The following RGS9 variants were observed in gnomAD, a reference collection of about 807,000 sequenced individuals.
RGS9 encodes regulator of G-protein signalling 9.
RGS9 carries 78 observed loss-of-function variants against 102.0 expected under a neutral mutation model. The ratio of observed to expected loss-of-function variants is 0.76; its 90% CI spans 0.64 to 0.92. RGS9 has a LOEUF of 0.92. Ranked by LOEUF, RGS9 falls within the 40% of genes least tolerant of loss-of-function variation. RGS9 has a pLI of 0.00. For missense variants in RGS9, 833 were observed against 866.1 expected (o/e 0.96, Z 0.48); for synonymous variants, 353 against 318.6 (o/e 1.11, Z -1.15).
chr17:65,182,564 G>T (rs1360431407), intron 9 of RGS9, among the ~76,000 whole-genome samples: 1 of 152,240 alleles, frequency 6.6e-6, no homozygotes, highest in Non-Finnish European at 1.5e-5. Flanking sequence ...TGTCCTTATT[G>T]TGGCTTTTAG....
chr17:65,139,374 C>T (rs1341542123), intron 1 of RGS9, among the ~76,000 whole-genome samples: 1 of 151,658 alleles, frequency 6.6e-6, no homozygotes, highest in East Asian at 2.0e-4. Context: ...CACTGGCTTC[C>T]CACATTCCCA....
chr17:65,207,879 C>CT (rs746212201), intron 15 of RGS9, 43 bp from the exon 16 acceptor site: 18 of 1,453,110 alleles, frequency 1.2e-5, no homozygotes, highest in South Asian at 4.6e-5. Context: ...GATTTGACTG[C>CT]TTTTTTCTCT....
At chr17:65,170,734 C>T (rs1403029160) in intron 8 of RGS9, among the ~76,000 whole-genome samples, 1 of 152,180 alleles carries the variant, frequency 6.6e-6, no homozygotes, top group African/African-American at 2.4e-5. Context: ...CTTTGATGGA[C>T]TCAGAGTGGT....
chr17:65,164,466 A>G (rs914783204), intron 7 of RGS9, among the ~76,000 whole-genome samples: 2 of 152,160 alleles, frequency 1.3e-5, no homozygotes, highest in African/African-American at 4.8e-5. Context: ...GATTACCAAA[A>G]CCGATGATCC....
chr17:65,168,081 G>A, intron 7 of RGS9, 119 bp from the exon 8 acceptor site: 1 of 692,480 alleles, frequency 1.4e-6, no homozygotes, highest in Non-Finnish European at 2.6e-6. Flanking sequence ...TACTATTACG[G>A]TATATGTGAA....
At chr17:65,141,057 G>A (rs1311985141) in intron 1 of RGS9, among the ~76,000 whole-genome samples, 1 of 152,220 alleles carries the variant, frequency 6.6e-6, no homozygotes, top group Admixed American at 6.5e-5. Context: ...AGGACCGTGT[G>A]CGATTCCCGA....
intron 17 of RGS9, among the ~76,000 whole-genome samples, chr17:65,214,515 T>G (rs1013939023): frequency 2.0e-5 from 3 of 152,142 alleles, no homozygotes; most frequent in Non-Finnish European, 4.4e-5. Context: ...GATAAGGTTT[T>G]TGGAGGAGGC....
At chr17:65,162,037 G>A (rs548167063) in intron 6 of RGS9, among the ~76,000 whole-genome samples, 129 of 152,198 alleles carry the variant, frequency 8.5e-4, no homozygotes, top group Non-Finnish European at 1.4e-3. Context: ...CAGAAAGGCC[G>A]GTTTATCTTT....
chr17:65,189,312 A>C lies in RGS9; in HGVS notation c.681A>C (p.Lys227Asn). The C allele has an allele frequency of 1.2e-6, 2 of 1,609,646 alleles. No individual in the cohort carries two copies. Among genetic ancestry groups the C allele is most frequent in the Non-Finnish European group, 1.7e-6 (2 of 1,176,006 alleles). Residue 227 changes from lysine (K) to asparagine (N), a missense_variant, in exon 10 of 19, where the codon AAA becomes AAC. By Grantham distance (94) the Lys-to-Asn change is moderately conservative. Coordinates refer to ENST00000262406, the MANE Select transcript of RGS9 (RefSeq NM_003835.4). ...NQKQTVVAVK[K>N]EIMYYQQALM... ...AACAAACAGTCGTTGCTGTCAAAAA[A>C]GAGGTAATTAGTCTTACACTTCCAG...
chr17:65,192,884 G>C (rs1043196586), intron 11 of RGS9, among the ~76,000 whole-genome samples: 1 of 152,030 alleles, frequency 6.6e-6, no homozygotes, highest in African/African-American at 2.4e-5. Flanking sequence ...TCTAAGATGG[G>C]TGCAGAGACA....
At chr17:65,217,200 A>G (rs1360044989) in intron 17 of RGS9, among the ~76,000 whole-genome samples, 3 of 152,134 alleles carry the variant, frequency 2.0e-5, no homozygotes, top group East Asian at 1.9e-4. Context: ...CCACCCTGCA[A>G]TTAGCTGGGG....
At chr17:65,201,891 A>C in intron 13 of RGS9, 102 bp from the exon 14 acceptor site, 1 of 796,194 alleles carries the variant, frequency 1.3e-6, no homozygotes, top group Non-Finnish European at 2.2e-6. Flanking sequence ...TGAGCTGGGA[A>C]ATGGAATCCA....
rs1598013276 is a variant in RGS9, at chr17:65,225,270, C to T, written c.1676C>T (p.Ala559Val). 1.2e-6 allele frequency: 2 copies of T among 1,608,948 alleles called. No homozygotes were observed. Among genetic ancestry groups the T allele is most frequent in the Middle Eastern group, 1.7e-4 (1 of 6,060 alleles). The change falls in exon 18 of 19, where the codon GCC becomes GTC. Residue 559 changes from alanine (A) to valine (V), a missense_variant. By Grantham distance (64) the Ala-to-Val change is moderately conservative. Coordinates refer to ENST00000262406, the MANE Select transcript of RGS9 (RefSeq NM_003835.4). ...RGPSVTESSEASLDTSWPRSR... is the reference protein window; with the variant it reads ...RGPSVTESSEVSLDTSWPRSR... ...CCCTCTGTCACCGAGAGCAGCGAGG[C>T]CTCCCTCGACACCTCCTGGCCTCGC...
intron 18 of RGS9, 57 bp from the exon 19 acceptor site, chr17:65,227,218 G>T: frequency 6.2e-7 from 1 of 1,611,752 alleles, no homozygotes. Flanking sequence ...GATTTGGGGA[G>T]GTGCAGTCCC....
At chr17:65,165,371 A>G (rs1394973785) in intron 7 of RGS9, among the ~76,000 whole-genome samples, 1 of 152,182 alleles carries the variant, frequency 6.6e-6, no homozygotes, top group Non-Finnish European at 1.5e-5. Context: ...GCTCCATTTG[A>G]GATGGCTTTT....
At chr17:65,181,935 G>A (rs548199133) in intron 9 of RGS9, among the ~76,000 whole-genome samples, 2 of 152,208 alleles carry the variant, frequency 1.3e-5, no homozygotes, top group African/African-American at 2.4e-5. Context: ...CTATGAGAGA[G>A]AATTTATGGG....
At chr17:65,166,462 AG>A (rs1336630097) in intron 7 of RGS9, among the ~76,000 whole-genome samples, 1 of 152,256 alleles carries the variant, frequency 6.6e-6, no homozygotes, top group Admixed American at 6.5e-5. Context: ...ACTCAAGGGC[AG>A]GGACTATGTT....
rs115801044 is a variant in RGS9 at position 65,201,002 on chromosome 17, C to T, written c.977-991C>T. On this transcript the variant is annotated intron_variant, in intron 13 of 18. Coordinates refer to ENST00000262406, the MANE Select transcript of RGS9 (RefSeq NM_003835.4). Reference sequence around the variant, plus strand: ...GGATTTTCTACTGCATAATGGTCTGCGCCCTAACCCCTTAATTGTTCAAGG... The same window carrying T: ...GGATTTTCTACTGCATAATGGTCTGTGCCCTAACCCCTTAATTGTTCAAGG... 4.7e-3 allele frequency among the ~76,000 whole-genome samples: 714 copies of T among 152,156 alleles called. 6 individuals are homozygous for T. The highest frequency in any genetic ancestry group is 0.016 in the African/African-American group (683 of 41,490).
At chr17:65,205,917 G>T (rs1913045842) in intron 15 of RGS9, among the ~76,000 whole-genome samples, 1 of 151,960 alleles carries the variant, frequency 6.6e-6, no homozygotes, top group African/African-American at 2.4e-5. Flanking sequence ...TGTGATATAG[G>T]CTATCTGATA....
Sources: gnomAD v4.1 joint callset for allele counts (sites outside exome capture counted in the v4.1 genomes callset) on GRCh38, gnomAD v4.1.1 for gene constraint, MANE v1.5 for transcripts, NCBI Gene and HGNC (gene_info 2026-07-23, HGNC 2026-07-21) for gene names.